LOXHD1: variants seen among roughly 807,000 people sequenced by gnomAD.
LOXHD1 encodes the protein lipoxygenase homology PLAT domains 1, also known as lipoxygenase homology domain-containing protein 1.
Under a neutral mutation model 248.2 loss-of-function variants are expected in LOXHD1, and 205 were observed. The observed-to-expected ratio is 0.83, with a 90% CI of 0.74 to 0.93. The LOEUF (loss-of-function observed/expected upper bound fraction) is 0.93, where lower values mean the gene tolerates loss of function less well. LOXHD1 is among the 40% of genes least tolerant of loss of function. The pLI, the probability that LOXHD1 is intolerant of heterozygous loss-of-function variation, is 0.00. For synonymous variants in LOXHD1, 1,113 were observed against 1,162.8 expected (o/e 0.96, Z 0.87); for missense variants, 2,930 against 2,971.6 (o/e 0.99, Z 0.33).
At chr18:46,649,068 C>T in intron 2 of LOXHD1, 87 bp downstream of exon 2, 2 of 1,086,354 alleles carry the variant, frequency 1.8e-6, no homozygotes, top group Non-Finnish European at 2.8e-6. Flanking sequence ...TGCCTTCTCC[C>T]CAGAGAAGCA....
intron 28 of LOXHD1, 32 bp downstream of exon 28, chr18:46,533,130 C>T (rs752314233): frequency 2.5e-5 from 39 of 1,550,332 alleles, no homozygotes; most frequent in Admixed American, 5.9e-5. Context: ...GGAGCCTTCC[C>T]ATGGTGATGA....
At chr18:46,641,091 C>T (rs1465791847) in intron 3 of LOXHD1, among the ~76,000 whole-genome samples, 1 of 151,992 alleles carries the variant, frequency 6.6e-6, no homozygotes, top group African/African-American at 2.4e-5. Flanking sequence ...TTCCCAATCT[C>T]CCCTGCAAGA....
chr18:46,576,978 C>T (rs1195696215), intron 14 of LOXHD1, among the ~76,000 whole-genome samples: 1 of 152,188 alleles, frequency 6.6e-6, no homozygotes, highest in Non-Finnish European at 1.5e-5. Context: ...CCTTGAGGAG[C>T]CCTGGACCAG....
intron 28 of LOXHD1, among the ~76,000 whole-genome samples, chr18:46,530,393 C>T (rs1418949666): frequency 6.6e-6 from 1 of 152,186 alleles, no homozygotes; most frequent in Non-Finnish European, 1.5e-5. Context: ...AAGGGTAGAA[C>T]AGAGGGCCTT....
chr18:46,543,027 A>T (rs535355064), intron 23 of LOXHD1, among the ~76,000 whole-genome samples, 172 bp from the exon 24 acceptor site: 15 of 152,264 alleles, frequency 9.9e-5, no homozygotes, highest in African/African-American at 2.6e-4. Flanking sequence ...ATTTTAAAAA[A>T]TTTTTTATTT....
chr18:46,604,242 A>C lies in LOXHD1; in HGVS notation c.760-13T>G. On this transcript the variant is annotated splice_polypyrimidine_tract_variant and intron_variant, in intron 6 of 40. Transcript: ENST00000642948. ...CTTCAATGACTATCTGGGAAGGAGA[A>C]GAGGGGACAAGGATGTAGATAAGTG... is the stretch of plus-strand genomic sequence containing the variant. 1 of 1,551,628 alleles carries C rather than the reference A, an allele frequency of 6.4e-7. No homozygotes were observed.
intron 4 of LOXHD1, among the ~76,000 whole-genome samples, chr18:46,623,571 G>A (rs778968496): frequency 1.3e-5 from 2 of 152,224 alleles, no homozygotes; most frequent in Non-Finnish European, 2.9e-5. Flanking sequence ...CTGCTCAGTG[G>A]ATGCACATGC....
chr18:46,652,902 C>T (rs529820708), intron 1 of LOXHD1, among the ~76,000 whole-genome samples: 25 of 152,170 alleles, frequency 1.6e-4, no homozygotes, highest in African/African-American at 6.0e-4. Context: ...TCAGATATAA[C>T]GCTGAAAGAA....
chr18:46,565,114 A>G (rs2037611749), intron 17 of LOXHD1, among the ~76,000 whole-genome samples: 1 of 152,112 alleles, frequency 6.6e-6, no homozygotes, highest in Non-Finnish European at 1.5e-5. Flanking sequence ...AAATACAAAA[A>G]TTAGCCGGGT....
chr18:46,559,431 A>T lies in LOXHD1; in HGVS notation c.3216+17T>A, dbSNP rs376722409. 73 of 1,551,908 alleles carry T rather than the reference A, an allele frequency of 4.7e-5. No individual in the cohort carries two copies. In the Middle Eastern group the frequency reaches 1.5e-3, roughly 32 times the overall value. On this transcript the variant is annotated intron_variant, in intron 20 of 40. Coordinates refer to ENST00000642948, the MANE Select transcript of LOXHD1 (RefSeq NM_001384474.1). The stretch of plus-strand genomic sequence containing the variant: ...AACCCACAGCCCCCACCCAGGGGCC[A>T]GAGACCCTCACCCTACCTGCCCCTG...
chr18:46,506,737 AC>A (rs1347675816), intron 36 of LOXHD1, among the ~76,000 whole-genome samples: 7 of 152,254 alleles, frequency 4.6e-5, no homozygotes. Context: ...CTGAGATCCT[AC>A]TATGAGAGCT....
At chr18:46,652,565 A>G (rs1232869236) in intron 1 of LOXHD1, among the ~76,000 whole-genome samples, 5 of 152,208 alleles carry the variant, frequency 3.3e-5, no homozygotes, top group Non-Finnish European at 7.3e-5. Flanking sequence ...AATACCAAGT[A>G]TGGGCAAGAA....
chr18:46,508,456 G>A (rs1266203817), intron 35 of LOXHD1, among the ~76,000 whole-genome samples: 1 of 152,100 alleles, frequency 6.6e-6, no homozygotes, highest in Middle Eastern at 3.2e-3. Flanking sequence ...CCCGAGCCAG[G>A]GAACTGCCAG....
intron 21 of LOXHD1, among the ~76,000 whole-genome samples, chr18:46,553,620 C>T (rs1021842967): frequency 5.3e-5 from 8 of 152,186 alleles, no homozygotes; most frequent in Admixed American, 2.6e-4. Context: ...CATTCTTCTA[C>T]GTGCTGGGGT....
In LOXHD1 at chr18:46,505,965, C is replaced by T. The variant is rs540548837; in HGVS notation, c.5751G>A (p.Gly1917=). ...TTGCCGACTGCTTCAGGGCCAGTGT[C>T]CCACTATCCCCGTTCTCCCCGAAGA... ...IIIFGENGDS[G]TLALKQSANW... Residue 1917 remains glycine (G), a synonymous_variant, in exon 37 of 41, where the codon GGG becomes GGA. Transcript: ENST00000642948. 1.3e-6 allele frequency: 2 copies of T among 1,552,204 alleles called. No individual in the cohort carries two copies. Among genetic ancestry groups the T allele is most frequent in the South Asian group, 1.2e-5 (1 of 84,048 alleles).
At chr18:46,486,769 G>A (rs930794129) in intron 38 of LOXHD1, among the ~76,000 whole-genome samples, 2 of 152,186 alleles carry the variant, frequency 1.3e-5, no homozygotes, top group Non-Finnish European at 2.9e-5. Flanking sequence ...GATGATGCGG[G>A]TGGGGTTTCC....
intron 14 of LOXHD1, 130 bp from the exon 15 acceptor site, chr18:46,572,292 G>A (rs2037767848): frequency 4.9e-6 from 4 of 810,256 alleles, no homozygotes; most frequent in Non-Finnish European, 8.3e-6. Context: ...GATTCTATGG[G>A]AGCATCTAGC....
rs534615203 is a variant in LOXHD1, at chr18:46,648,793, T to C, written c.245+362A>G. Reference sequence around the variant, plus strand: ...TATGCTCACAGCTCCCTCAGATGTATGGTCTTCCCGATATCTGTGTGATGA... The same window carrying C: ...TATGCTCACAGCTCCCTCAGATGTACGGTCTTCCCGATATCTGTGTGATGA... On this transcript the variant is annotated intron_variant, in intron 2 of 40. Coordinates refer to ENST00000642948, the MANE Select transcript of LOXHD1 (RefSeq NM_001384474.1). Among the ~76,000 whole-genome samples, 209 of 152,202 alleles carry C rather than the reference T, an allele frequency of 1.4e-3. 1 individual carries two copies. Among genetic ancestry groups the C allele is most frequent in the Non-Finnish European group, 2.6e-3 (177 of 68,038 alleles).
chr18:46,492,668 T>C (rs1014224669), intron 37 of LOXHD1, among the ~76,000 whole-genome samples: 2 of 152,222 alleles, frequency 1.3e-5, no homozygotes, highest in African/African-American at 4.8e-5. Flanking sequence ...AAAGAATCCA[T>C]TGCTTTACAA....
Sources: allele counts gnomAD v4.1 joint callset (sites outside exome capture counted in the v4.1 genomes callset), GRCh38; gene constraint gnomAD v4.1.1; transcripts MANE v1.5; gene names NCBI Gene and HGNC (gene_info 2026-07-23, HGNC 2026-07-21).